Variants in SDSL observed in about 807,000 individuals in gnomAD.
The protein encoded by SDSL is serine dehydratase-like.
Under a neutral mutation model 27.6 loss-of-function variants are expected in SDSL, and 26 were observed. That is an observed-to-expected ratio of 0.94 (90% CI 0.69 to 1.31). SDSL has a LOEUF of 1.31. Ranked by LOEUF, SDSL falls within the 50% of genes most tolerant of loss-of-function variation. The probability of loss-of-function intolerance (pLI) is 0.00; values close to 1 mark genes in which losing one functional copy is unlikely to be tolerated. For synonymous variants in SDSL, 196 were observed against 180.6 expected (o/e 1.09, Z -0.69); for missense variants, 431 against 423.5 (o/e 1.02, Z -0.16).
intron 7 of SDSL, among the ~76,000 whole-genome samples, chr12:113,437,501 T>G (rs1195518562): frequency 6.6e-6 from 1 of 152,080 alleles, no homozygotes; most frequent in African/African-American, 2.4e-5. Context: ...AATGAATGAA[T>G]GGACAGACAC....
intron 7 of SDSL, 196 bp downstream of exon 7, chr12:113,437,071 C>A (rs1203959547): frequency 4.7e-6 from 2 of 426,172 alleles, no homozygotes; most frequent in Non-Finnish European, 8.0e-6. Flanking sequence ...TGTCTCTAGC[C>A]CCCAGACTTT....
rs1201263264 is a variant in SDSL, at chr12:113,435,657, G to T, written c.671+101G>T. 6.2e-6 allele frequency: 6 copies of T among 963,268 alleles called. No homozygotes were observed. The Admixed American group carries it at 6.9e-5, about 11-fold the overall frequency. 59.7% of individuals were successfully genotyped at this position (963,268 alleles called of 1,614,324 possible). A position where few individuals can be genotyped will look rare whatever the true frequency, so the allele number is the denominator to read the frequency against. On this transcript the variant is annotated intron_variant, in intron 6 of 7. Coordinates refer to ENST00000403593, the MANE Select transcript of SDSL (RefSeq NM_001304993.2). ...CGGTGGAGACGGGGGCACCCAAAAG[G>T]CTGTCCTTGGTCCTGGGACTCCAAC...
Position 113,437,922 on chromosome 12 carries a change from C to T in SDSL, c.833C>T (p.Ala278Val), listed in dbSNP as rs754059620. ...ERMLVEPACG[A>V]ALAAIYSGLL... is the part of the protein sequence containing the mutation. Reference sequence around the variant, plus strand: ...ATGCTGGTGGAGCCTGCCTGTGGGGCAGCCTTAGCAGCCATCTACTCAGGC... The same window carrying T: ...ATGCTGGTGGAGCCTGCCTGTGGGGTAGCCTTAGCAGCCATCTACTCAGGC... Residue 278 changes from alanine to valine, a missense_variant, in exon 8 of 8, where the codon GCA (alanine) becomes GTA (valine). Coordinates refer to ENST00000403593, the MANE Select transcript of SDSL (RefSeq NM_001304993.2). 1 of 1,611,494 alleles carries T rather than the reference C, an allele frequency of 6.2e-7. No homozygotes were observed. Among genetic ancestry groups the T allele is most frequent in the South Asian group, 1.1e-5 (1 of 90,736 alleles).
chr12:113,437,846 C>T (rs746670397), intron 7 of SDSL, 40 bp from the exon 8 acceptor site: 17 of 1,541,072 alleles, frequency 1.1e-5, no homozygotes, highest in East Asian at 6.9e-5. Flanking sequence ...AGTGGTTCTT[C>T]TTCCCTTTCC....
At chr12:113,427,648 G>A (rs973020685) in intron 1 of SDSL, among the ~76,000 whole-genome samples, 2 of 152,206 alleles carry the variant, frequency 1.3e-5, no homozygotes, top group Non-Finnish European at 2.9e-5. Flanking sequence ...AGTAGGTGCT[G>A]AATAAGTATT....
At chr12:113,428,680 C>T (rs999177532) in intron 3 of SDSL, among the ~76,000 whole-genome samples, 1 of 152,180 alleles carries the variant, frequency 6.6e-6, no homozygotes, top group Non-Finnish European at 1.5e-5. Context: ...GTTTAAGCTA[C>T]AGGCTCTAAG....
rs1158239012 is a variant in SDSL at position 113,435,316 on chromosome 12, C to T, written c.444-13C>T. ...CCCTCACTCTGCTTCTCCCTCTCACCCCCCCTCCCCAGGAAAGGCCACGCC... is the reference window on the plus strand; with the variant it reads ...CCCTCACTCTGCTTCTCCCTCTCACTCCCCCTCCCCAGGAAAGGCCACGCC... On this transcript the variant is annotated splice_polypyrimidine_tract_variant and intron_variant, in intron 5 of 7. Transcript: ENST00000403593. 7.4e-6 allele frequency: 11 copies of T among 1,484,940 alleles called. 1 individual carries two copies. Among genetic ancestry groups the T allele is most frequent in the Middle Eastern group, 2.4e-4 (1 of 4,178 alleles). 92.0% of individuals were successfully genotyped at this position (1,484,940 alleles called of 1,614,324 possible). A position where few individuals can be genotyped will look rare whatever the true frequency, so the allele number is the denominator to read the frequency against.
chr12:113,429,226 TC>T lies in SDSL; in HGVS notation c.285del (p.Glu96ArgfsTer20). 1 of 1,613,622 alleles carries T rather than the reference TC, an allele frequency of 6.2e-7. No individual in the cohort carries two copies. The highest frequency in any genetic ancestry group is 8.5e-7 in the Non-Finnish European group (1 of 1,179,814). ...RKLGIPATIVLPESTSLQVVQ... is the reference protein window; with the variant it reads ...RKLGIPATIVXPESTSLQVVQ... The stretch of plus-strand genomic sequence containing the variant: ...CTGGGCATTCCTGCCACCATCGTGC[TC>T]CCCGAGAGCACCTCCCTGCAGGTGG... On this transcript the variant is annotated frameshift_variant, in exon 4 of 8. Transcript: ENST00000403593. LOFTEE classifies it high-confidence loss of function.
Position 113,434,213 on chromosome 12 carries a change from C to A in SDSL, c.434C>A (p.Pro145His), listed in dbSNP as rs777320300. Residue 145 changes from proline to histidine, a missense_variant, in exon 5 of 8, where the codon CCC (proline) becomes CAC (histidine). Coordinates refer to ENST00000403593, the MANE Select transcript of SDSL (RefSeq NM_001304993.2). Reference sequence around the variant, plus strand: ...GAGAATGTCCCCCCGTTTGACCACCCCCTAATATGGTAAGGCTGACGCCCC... The same window carrying A: ...GAGAATGTCCCCCCGTTTGACCACCACCTAATATGGTAAGGCTGACGCCCC... ...GWENVPPFDHPLIWKGHASLV... is the reference protein window; with the variant it reads ...GWENVPPFDHHLIWKGHASLV... 4 of 1,612,570 alleles carry A rather than the reference C, an allele frequency of 2.5e-6. No homozygotes were observed. The highest frequency in any genetic ancestry group is 3.4e-6 in the Non-Finnish European group (4 of 1,179,166).
Position 113,438,222 on chromosome 12 carries a change from G to C in SDSL, c.*143G>C, listed in dbSNP as rs1958026229. ...CTGCCTCCTGAAGGAAGCCCTCCTG[G>C]ACTGCTTCTTTTGGCTCTCCGACAA... On this transcript the variant is annotated 3_prime_UTR_variant, in exon 8 of 8. Transcript: ENST00000403593. 1 of 653,738 alleles carries C rather than the reference G, an allele frequency of 1.5e-6. No homozygotes were observed. The highest frequency in any genetic ancestry group is 2.5e-6 in the Non-Finnish European group (1 of 397,376). The allele number at this position is 653,738 out of a possible 1,614,324, so 40.5% of individuals were successfully genotyped here.
In SDSL at chr12:113,432,270, TTCTTTCTTTCTTTCTTTCTTTCTC is replaced by T. The variant is rs1230062561; in HGVS notation, c.355-1860_355-1837del. Among the ~76,000 whole-genome samples the T allele has an allele frequency of 6.5e-4, 76 of 116,336 alleles. 1 individual carries two copies. Among genetic ancestry groups the T allele is most frequent in the African/African-American group, 2.2e-3 (69 of 31,290 alleles). 76.3% of individuals were successfully genotyped at this position (116,336 alleles called of 152,430 possible). A position where few individuals can be genotyped will look rare whatever the true frequency, so the allele number is the denominator to read the frequency against. On this transcript the variant is annotated intron_variant, in intron 4 of 7. Coordinates refer to ENST00000403593, the MANE Select transcript of SDSL (RefSeq NM_001304993.2). Reference sequence around the variant, plus strand: ...TTTCTTTCTTTCTTTCTTTCTTTCTTTCTTTCTTTCTTTCTTTCTTTCTCTCTCTCTCTTTCTGTCTCTCTGTCT... The same window carrying T: ...TTTCTTTCTTTCTTTCTTTCTTTCTTTCTCTCTCTTTCTGTCTCTCTGTCT...
intron 1 of SDSL, chr12:113,426,229 T>C (rs750701041): frequency 6.6e-6 from 3 of 455,790 alleles, no homozygotes; most frequent in Non-Finnish European, 8.8e-6. Context: ...TGGCTGCTGT[T>C]CTCTGTAGGA....
chr12:113,426,137 C>G (rs944889388), intron 1 of SDSL: 2 of 455,692 alleles, frequency 4.4e-6, no homozygotes, highest in Admixed American at 2.4e-5. Context: ...CCGCCCTCAC[C>G]CCCTACCCTC....
chr12:113,435,244 C>T, intron 5 of SDSL, 85 bp from the exon 6 acceptor site: 2 of 905,798 alleles, frequency 2.2e-6, no homozygotes, highest in Non-Finnish European at 3.2e-6. Flanking sequence ...AGAGAACCCA[C>T]CCCTGGTAAA....
intron 1 of SDSL, among the ~76,000 whole-genome samples, chr12:113,425,231 GA>G (rs1386990036): frequency 6.6e-6 from 1 of 152,152 alleles, no homozygotes; most frequent in African/African-American, 2.4e-5. Flanking sequence ...GGGTTGAGCT[GA>G]GGCCTAGGCT....
intron 1 of SDSL, among the ~76,000 whole-genome samples, chr12:113,423,584 A>C (rs578115006): frequency 6.6e-6 from 1 of 152,274 alleles, no homozygotes; most frequent in East Asian, 1.9e-4. Flanking sequence ...CTCTATAAAA[A>C]TTAAAATATC....
At position 113,432,265 on chromosome 12, in the gene SDSL, T is replaced by TTTTTTTC. The variant is rs1555210071; in HGVS notation, c.355-1867_355-1866insTTTTCTT. On this transcript the variant is annotated intron_variant, in intron 4 of 7. Coordinates refer to ENST00000403593, the MANE Select transcript of SDSL (RefSeq NM_001304993.2). ...CTTTCTTTCTTTCTTTCTTTCTTTC[T>TTTTTTTC]TTCTTTCTTTCTTTCTTTCTTTCTT... Among the ~76,000 whole-genome samples the TTTTTTTC allele has an allele frequency of 1.4e-3, 191 of 137,376 alleles. 1 individual carries two copies. Among genetic ancestry groups the TTTTTTTC allele is most frequent in the African/African-American group, 5.2e-3 (184 of 35,240 alleles). The allele number at this position is 137,376 out of a possible 152,430, so 90.1% of individuals were successfully genotyped here.
intron 7 of SDSL, chr12:113,437,105 G>A (rs1565881037): frequency 3.2e-6 from 1 of 316,366 alleles, no homozygotes; most frequent in Non-Finnish European, 5.8e-6. Flanking sequence ...CCTCTCTCTG[G>A]CTGGCCCTGC....
chr12:113,426,139 C>T (rs368400676), intron 1 of SDSL: 6 of 455,786 alleles, frequency 1.3e-5, no homozygotes, highest in African/African-American at 1.0e-4. Flanking sequence ...GCCCTCACCC[C>T]CTACCCTCAC....
Sources: gnomAD v4.1 joint callset for allele counts (sites outside exome capture counted in the v4.1 genomes callset) on GRCh38, gnomAD v4.1.1 for gene constraint, MANE v1.5 for transcripts, NCBI Gene and HGNC (gene_info 2026-07-23, HGNC 2026-07-21) for gene names.